The following TENM3 variants were observed in gnomAD, a reference collection of about 807,000 sequenced individuals.
TENM3 encodes the protein teneurin transmembrane protein 3, also known as teneurin-3.
Under a neutral mutation model 255.1 loss-of-function variants are expected in TENM3, and 63 were observed. That is an observed-to-expected ratio of 0.25 (90% CI 0.20 to 0.30). The LOEUF is 0.30. TENM3 is among the 10% of genes least tolerant of loss of function. The pLI, the probability that TENM3 is intolerant of heterozygous loss-of-function variation, is 1.00. For synonymous variants in TENM3, 1,306 were observed against 1,322.3 expected, an observed-to-expected ratio of 0.99 and a Z score of 0.27; for missense variants, 2,929 against 3,461.1, an observed-to-expected ratio of 0.85 and a Z score of 3.86.
chr4:182,556,746 G>A (rs1742628799), intron 3 of TENM3, among the ~76,000 whole-genome samples: 1 of 152,118 alleles, frequency 6.6e-6, no homozygotes. Context: ...AAATGACGAT[G>A]ACCCACTCCT....
At chr4:181,772,147 A>T in the TENM3 span, among the ~76,000 whole-genome samples, 1 of 152,170 alleles carries the variant, frequency 6.6e-6, no homozygotes, top group East Asian at 1.9e-4. Flanking sequence ...TGGGAGGCCA[A>T]AGCAGGTGAA....
the TENM3 span, among the ~76,000 whole-genome samples, chr4:182,031,963 G>T: frequency 3.9e-5 from 6 of 152,160 alleles, no homozygotes; most frequent in Admixed American, 2.6e-4. Flanking sequence ...CTCAGACGAT[G>T]GGGTTTTCTA....
chr4:182,353,297 G>T (rs1765301580), intron 3 of TENM3, among the ~76,000 whole-genome samples: 1 of 152,140 alleles, frequency 6.6e-6, no homozygotes, highest in South Asian at 2.1e-4. Context: ...AATTTTATGA[G>T]TTTCTATTAT....
intron 3 of TENM3, among the ~76,000 whole-genome samples, chr4:182,440,666 G>A (rs1772404002): frequency 6.6e-6 from 1 of 152,154 alleles, no homozygotes; most frequent in African/African-American, 2.4e-5. Context: ...TAGTAATAAT[G>A]AGTTTAACAT....
the TENM3 span, among the ~76,000 whole-genome samples, chr4:181,974,129 C>A: frequency 1.3e-5 from 2 of 152,142 alleles, no homozygotes; most frequent in African/African-American, 2.4e-5. Flanking sequence ...TCAAGGAGTC[C>A]TGCATGCGGA....
chr4:181,531,746 C>T, the TENM3 span, among the ~76,000 whole-genome samples: 1 of 152,160 alleles, frequency 6.6e-6, no homozygotes, highest in Non-Finnish European at 1.5e-5. Context: ...AAGATCTAAC[C>T]AAGTGTGTGT....
At chr4:182,230,091 A>G (rs1353249210) in intron 1 of TENM3, among the ~76,000 whole-genome samples, 1 of 151,284 alleles carries the variant, frequency 6.6e-6, no homozygotes, top group African/African-American at 2.4e-5. Context: ...ATAAGCAGAC[A>G]GAGAAATTTC....
intron 3 of TENM3, among the ~76,000 whole-genome samples, chr4:182,527,111 A>G (rs558230260): frequency 6.6e-6 from 1 of 152,222 alleles, no homozygotes; most frequent in South Asian, 2.1e-4. Context: ...TTGAAAGCAA[A>G]TATTTCAATT....
the TENM3 span, among the ~76,000 whole-genome samples, chr4:182,103,139 C>G: frequency 2.0e-5 from 3 of 152,226 alleles, no homozygotes; most frequent in Non-Finnish European, 4.4e-5. Flanking sequence ...GGCATTTACA[C>G]ATTTCCTATA....
intron 1 of TENM3, among the ~76,000 whole-genome samples, chr4:182,289,528 T>C (rs1760973277): frequency 6.6e-6 from 1 of 152,240 alleles, no homozygotes; most frequent in African/African-American, 2.4e-5. Flanking sequence ...GTTTGATTTA[T>C]GTTATCCAAT....
chr4:181,467,239 C>T, the TENM3 span, among the ~76,000 whole-genome samples: 5 of 147,188 alleles, frequency 3.4e-5, no homozygotes. Flanking sequence ...AAGCAATTCT[C>T]CTTGTCTCAG....
chr4:182,570,670 T>C (rs1744263703), intron 3 of TENM3, among the ~76,000 whole-genome samples: 1 of 151,988 alleles, frequency 6.6e-6, no homozygotes, highest in Non-Finnish European at 1.5e-5. Context: ...TCATCTCTAC[T>C]AAAAATACAA....
At chr4:182,601,198 CT>C in intron 4 of TENM3, 37 bp downstream of exon 4, 1 of 1,526,228 alleles carries the variant, frequency 6.6e-7, no homozygotes, top group Non-Finnish European at 9.1e-7. Flanking sequence ...TAGCCCAACC[CT>C]TTTCTCACCA....
chr4:182,324,432 G>A (rs1763264882), intron 2 of TENM3, among the ~76,000 whole-genome samples, 180 bp downstream of exon 2: 1 of 152,238 alleles, frequency 6.6e-6, no homozygotes, highest in African/African-American at 2.4e-5. Context: ...GCCACCGGTG[G>A]GCACATTGGT....
intron 1 of TENM3, among the ~76,000 whole-genome samples, chr4:182,289,511 C>G (rs1408716453): frequency 6.6e-6 from 1 of 152,198 alleles, no homozygotes; most frequent in East Asian, 1.9e-4. Flanking sequence ...CCCAACGTAG[C>G]AGCCCAGTTT....
chr4:181,964,118 G>A, the TENM3 span, among the ~76,000 whole-genome samples: 1 of 150,652 alleles, frequency 6.6e-6, no homozygotes, highest in Non-Finnish European at 1.5e-5. Context: ...GGATTAAGGG[G>A]CATAAGATGT....
intron 12 of TENM3, among the ~76,000 whole-genome samples, chr4:182,707,143 A>G (rs912183081): frequency 1.3e-5 from 2 of 152,148 alleles, no homozygotes; most frequent in African/African-American, 2.4e-5. Context: ...ATCACGGCCA[A>G]TTCTTGATTG....
chr4:181,726,367 T>A, the TENM3 span, among the ~76,000 whole-genome samples: 1 of 152,236 alleles, frequency 6.6e-6, no homozygotes, highest in East Asian at 1.9e-4. Context: ...GTAATGGGTA[T>A]TTTGCATGCA....
At chr4:181,589,036 C>T in the TENM3 span, among the ~76,000 whole-genome samples, 299 of 152,188 alleles carry the variant, frequency 2.0e-3, 1 homozygote, top group African/African-American at 6.9e-3. Context: ...TAAGGAAGAG[C>T]GCCTTGAGTG....
Sources: allele counts gnomAD v4.1 joint callset (sites outside exome capture counted in the v4.1 genomes callset), GRCh38; gene constraint gnomAD v4.1.1; transcripts MANE v1.5; gene names NCBI Gene and HGNC (gene_info 2026-07-23, HGNC 2026-07-21).